Variants in NTRK3 observed in about 807,000 individuals in gnomAD.
NTRK3 encodes neurotrophic receptor tyrosine kinase 3.
Under a neutral mutation model 91.7 loss-of-function variants are expected in NTRK3, and 24 were observed. The ratio of observed to expected loss-of-function variants is 0.26; its 90% confidence interval spans 0.19 to 0.37. The LOEUF (loss-of-function observed/expected upper bound fraction) is 0.37, where lower values mean the gene tolerates loss of function less well. Among genes scored for constraint, NTRK3 ranks in the 10% least tolerant of loss-of-function variants. The pLI, the probability that NTRK3 is intolerant of heterozygous loss-of-function variation, is 1.00. For synonymous variants in NTRK3, 483 were observed against 404.0 expected, an observed-to-expected ratio of 1.20 and a Z score of -2.34; for missense variants, 880 against 1,068.9, an observed-to-expected ratio of 0.82 and a Z score of 2.46.
At chr15:88,061,171 A>G (rs1443709644) in intron 13 of NTRK3, among the ~76,000 whole-genome samples, 1 of 152,060 alleles carries the variant, frequency 6.6e-6, no homozygotes, top group Non-Finnish European at 1.5e-5. Context: ...CTTACCCCCA[A>G]CCAACTAAAA....
intron 11 of NTRK3, among the ~76,000 whole-genome samples, chr15:88,128,341 G>A (rs965848545): frequency 2.0e-5 from 3 of 152,148 alleles, no homozygotes; most frequent in African/African-American, 7.2e-5. Context: ...ACACTAGCAG[G>A]TTTATAGGTT....
At chr15:88,247,074 T>C (rs1323462373) in intron 3 of NTRK3, among the ~76,000 whole-genome samples, 1 of 152,208 alleles carries the variant, frequency 6.6e-6, no homozygotes, top group Admixed American at 6.5e-5. Flanking sequence ...AGACACGATG[T>C]GCACAGAACA....
At chr15:87,962,359 A>G (rs920362278) in intron 14 of NTRK3, among the ~76,000 whole-genome samples, 1 of 152,074 alleles carries the variant, frequency 6.6e-6, no homozygotes, top group Non-Finnish European at 1.5e-5. Flanking sequence ...CTGCCTGACC[A>G]TCTTTGGCCC....
exon 19 of NTRK3, chr15:87,867,006 C>T (rs2064699799): frequency 4.5e-6 from 1 of 220,124 alleles, no homozygotes; most frequent in Admixed American, 5.8e-5. Flanking sequence ...AGCCAGAAAA[C>T]AACAGAGGAA....
intron 17 of NTRK3, 25 bp downstream of exon 17, chr15:87,929,166 C>T (rs762498595): frequency 1.9e-6 from 3 of 1,613,962 alleles, no homozygotes; most frequent in South Asian, 1.1e-5. Context: ...GTGGCTGAGT[C>T]CTGCAGCTGG....
chr15:87,961,908 C>G (rs915364126), intron 14 of NTRK3, among the ~76,000 whole-genome samples: 2 of 152,266 alleles, frequency 1.3e-5, no homozygotes, highest in African/African-American at 4.8e-5. Context: ...ACCCCTGCTT[C>G]CAGGAGCATA....
At chr15:88,037,120 G>C (rs1481132632) in intron 13 of NTRK3, among the ~76,000 whole-genome samples, 1 of 152,202 alleles carries the variant, frequency 6.6e-6, no homozygotes, top group African/African-American at 2.4e-5. Context: ...AGATCACCCA[G>C]GAAGACCTGA....
intron 14 of NTRK3, among the ~76,000 whole-genome samples, chr15:87,949,437 A>AT (rs2070888183): frequency 6.6e-6 from 1 of 152,022 alleles, no homozygotes; most frequent in Non-Finnish European, 1.5e-5. Flanking sequence ...TAGAGGTAGC[A>AT]GTCTAGGACA....
At chr15:88,176,518 AG>A (rs2046013382) in intron 5 of NTRK3, among the ~76,000 whole-genome samples, 1 of 152,192 alleles carries the variant, frequency 6.6e-6, no homozygotes, top group South Asian at 2.1e-4. Flanking sequence ...TAAGACCCAA[AG>A]AAAGTAGACA....
At chr15:87,952,459 T>C (rs1473091016) in intron 14 of NTRK3, among the ~76,000 whole-genome samples, 1 of 152,104 alleles carries the variant, frequency 6.6e-6, no homozygotes, top group East Asian at 1.9e-4. Context: ...CCCTCAGGTG[T>C]GCAGTGGAGC....
rs115619271 is a variant in NTRK3, at chr15:88,194,665, A to G, written c.249-10366T>C. ...ATCTGTCCTCCACACAGAAACCCCA[A>G]TGAATTAGTTGGAATATAAATTTAA... On this transcript the variant is annotated intron_variant, in intron 3 of 18. Coordinates refer to ENST00000394480, the Ensembl canonical transcript of NTRK3. Among the ~76,000 whole-genome samples the G allele has an allele frequency of 1.4e-3, 214 of 152,310 alleles. 2 individuals carry two copies. Among genetic ancestry groups the G allele is most frequent in the African/African-American group, 4.8e-3 (200 of 41,558 alleles).
At chr15:88,041,120 C>A (rs886285634) in intron 13 of NTRK3, among the ~76,000 whole-genome samples, 1 of 152,150 alleles carries the variant, frequency 6.6e-6, no homozygotes, top group Admixed American at 6.5e-5. Flanking sequence ...ATACAGAAGG[C>A]GATATGCCAG....
At chr15:87,980,407 TTG>T (rs1462738099) in intron 14 of NTRK3, among the ~76,000 whole-genome samples, 8 of 152,086 alleles carry the variant, frequency 5.3e-5, no homozygotes, top group African/African-American at 1.2e-4. Flanking sequence ...GCATGTGTAT[TTG>T]TGTGTTTGTG....
chr15:87,930,700 G>A (rs748109797), intron 16 of NTRK3, among the ~76,000 whole-genome samples: 35 of 152,132 alleles, frequency 2.3e-4, no homozygotes, highest in African/African-American at 8.2e-4. Flanking sequence ...GGGTTGGTGC[G>A]GCCTGTTGCT....
exon 19 of NTRK3, chr15:87,876,266 C>A: frequency 4.3e-6 from 1 of 232,348 alleles, no homozygotes. Context: ...ATCATTGATT[C>A]CCAAAAGCAT....
At chr15:88,026,036 C>A (rs777745555) in intron 14 of NTRK3, among the ~76,000 whole-genome samples, 1 of 152,148 alleles carries the variant, frequency 6.6e-6, no homozygotes, top group Admixed American at 6.5e-5. Flanking sequence ...CTTTGGAAGG[C>A]CGGGACGGGT....
intron 3 of NTRK3, among the ~76,000 whole-genome samples, chr15:88,185,059 A>G (rs1047718307): frequency 6.6e-6 from 1 of 152,220 alleles, no homozygotes; most frequent in Non-Finnish European, 1.5e-5. Flanking sequence ...TCATGTCTTC[A>G]TTTGTAAAAG....
intron 13 of NTRK3, among the ~76,000 whole-genome samples, chr15:88,079,285 G>T (rs895211394): frequency 1.3e-5 from 2 of 152,176 alleles, no homozygotes; most frequent in African/African-American, 2.4e-5. Flanking sequence ...CAAGAGCTAG[G>T]CCAGCAGCTA....
chr15:88,093,763 A>C (rs2049273624), intron 13 of NTRK3, among the ~76,000 whole-genome samples: 1 of 151,830 alleles, frequency 6.6e-6, no homozygotes, highest in African/African-American at 2.4e-5. Flanking sequence ...GGATTCCTTT[A>C]ACACTCTCTG....
Sources: allele counts gnomAD v4.1 joint callset (sites outside exome capture counted in the v4.1 genomes callset), GRCh38; gene constraint gnomAD v4.1.1; transcripts MANE v1.5; gene names NCBI Gene and HGNC (gene_info 2026-07-23, HGNC 2026-07-21).